ZNF385D: variants seen among roughly 807,000 people sequenced by gnomAD.
ZNF385D encodes zinc finger protein 659.
A neutral mutation model predicts 35.8 loss-of-function variants in ZNF385D; 15 were observed. The ratio of observed to expected loss-of-function variants is 0.42; its 90% CI spans 0.28 to 0.64. The LOEUF (loss-of-function observed/expected upper bound fraction) is 0.64, where lower values mean the gene tolerates loss of function less well. ZNF385D is among the 30% of genes least tolerant of loss of function. The probability of loss-of-function intolerance (pLI) is 0.23; values close to 1 mark genes in which losing one functional copy is unlikely to be tolerated. For missense variants in ZNF385D, 474 were observed against 494.6 expected (o/e 0.96, Z 0.39); for synonymous variants, 212 against 186.8 (o/e 1.13, Z -1.10).
chr3:21,792,498 G>T (rs1484733790), intron 3 of ZNF385D, among the ~76,000 whole-genome samples: 2 of 152,170 alleles, frequency 1.3e-5, no homozygotes. Context: ...TATTCCGCTG[G>T]AGACCATCTG....
intron 2 of ZNF385D, among the ~76,000 whole-genome samples, chr3:22,219,030 G>A (rs184425760): frequency 7.0e-4 from 107 of 152,080 alleles, no homozygotes; most frequent in African/African-American, 2.3e-3. Flanking sequence ...CATTTCAATT[G>A]ACCATTCTCA....
chr3:21,605,422 C>T (rs945352814), intron 2 of ZNF385D, among the ~76,000 whole-genome samples: 4 of 152,104 alleles, frequency 2.6e-5, no homozygotes, highest in Non-Finnish European at 5.9e-5. Flanking sequence ...CCGTGCCTAT[C>T]GTTAAATTTT....
intron 3 of ZNF385D, among the ~76,000 whole-genome samples, chr3:22,158,778 A>T (rs1705755249): frequency 8.9e-6 from 1 of 112,416 alleles, no homozygotes; most frequent in South Asian, 2.8e-4. Flanking sequence ...GTGTAGATCT[A>T]TAGAAACTAG....
rs147086188 is a variant in ZNF385D, at chr3:21,682,986, A to T, written c.23-17958T>A. ...CACTGGCCCTCAAACTTTAGTGAGC[A>T]TCAGAAATGCCTAGAGGGCTTATTA... On this transcript the variant is annotated intron_variant, in intron 1 of 7. Transcript: ENST00000281523. Among the ~76,000 whole-genome samples, 617 of 150,046 alleles carry T rather than the reference A, an allele frequency of 4.1e-3. 30 individuals carry two copies. Among genetic ancestry groups the T allele is most frequent in the Admixed American group, 6.0e-3 (90 of 15,042 alleles).
rs550962176 is a variant in ZNF385D at position 22,171,769 on chromosome 3, C to T, written c.107-2734G>A. Among the ~76,000 whole-genome samples the T allele has an allele frequency of 3.8e-4, 56 of 147,976 alleles. No individual in the cohort carries two copies. In the South Asian group the frequency reaches 4.5e-3, roughly 12 times the overall value. On this transcript the variant is annotated intron_variant, in intron 2 of 5. Transcript: ENST00000494108. ...CCAGGCGCCTGTAGTTCCAGCTACT[C>T]GGGAGGCTGAGGCAGGAGAATGGAG...
chr3:22,135,717 C>A (rs77946126), intron 3 of ZNF385D, among the ~76,000 whole-genome samples: 1 of 151,974 alleles, frequency 6.6e-6, no homozygotes, highest in African/African-American at 2.4e-5. Context: ...ACCAAATTAC[C>A]CACTGTTAAG....
At chr3:22,318,439 A>T (rs1704021357) in intron 2 of ZNF385D, among the ~76,000 whole-genome samples, 1 of 152,182 alleles carries the variant, frequency 6.6e-6, no homozygotes, top group Non-Finnish European at 1.5e-5. Context: ...GAAGAAAGTG[A>T]CGTCAGAAGC....
intron 3 of ZNF385D, among the ~76,000 whole-genome samples, chr3:21,946,870 T>C (rs1701815656): frequency 6.6e-6 from 1 of 152,158 alleles, no homozygotes; most frequent in Non-Finnish European, 1.5e-5. Flanking sequence ...AATTACTTTC[T>C]CATTTTGAAG....
chr3:21,546,752 A>C (rs1245333164), intron 3 of ZNF385D, among the ~76,000 whole-genome samples: 2 of 152,076 alleles, frequency 1.3e-5, no homozygotes, highest in African/African-American at 2.4e-5. Flanking sequence ...TATCCATGGC[A>C]TAAATGAGGT....
At chr3:21,923,039 AT>A (rs35608841) in intron 3 of ZNF385D, among the ~76,000 whole-genome samples, 2 of 151,810 alleles carry the variant, frequency 1.3e-5, no homozygotes, top group African/African-American at 4.8e-5. Flanking sequence ...AATGCTTCAC[AT>A]TTTTTTATTA....
At chr3:21,732,565 T>G (rs1363529278) in intron 1 of ZNF385D, among the ~76,000 whole-genome samples, 1 of 152,240 alleles carries the variant, frequency 6.6e-6, no homozygotes, top group Admixed American at 6.5e-5. Flanking sequence ...GTTGTCAGTG[T>G]TCTGGATTTT....
intron 3 of ZNF385D, among the ~76,000 whole-genome samples, chr3:21,767,107 C>T (rs2070863447): frequency 7.2e-6 from 1 of 139,572 alleles, no homozygotes; most frequent in Admixed American, 8.1e-5. Context: ...CTAGCTATTT[C>T]TGTCTCAGCC....
At chr3:21,454,709 A>G (rs1277710961) in intron 4 of ZNF385D, among the ~76,000 whole-genome samples, 2 of 152,168 alleles carry the variant, frequency 1.3e-5, no homozygotes, top group Non-Finnish European at 2.9e-5. Flanking sequence ...CACCACTCCT[A>G]TTCAACATAG....
chr3:22,107,098 C>T (rs1193935374), intron 3 of ZNF385D, among the ~76,000 whole-genome samples: 2 of 141,148 alleles, frequency 1.4e-5, no homozygotes, highest in African/African-American at 2.6e-5. Context: ...GATCTTGGTT[C>T]ACCACAACCT....
At chr3:21,462,662 A>G (rs889872921) in intron 4 of ZNF385D, among the ~76,000 whole-genome samples, 2 of 152,226 alleles carry the variant, frequency 1.3e-5, no homozygotes, top group African/African-American at 4.8e-5. Flanking sequence ...AGTAAAATAC[A>G]TTACACAAGT....
intron 3 of ZNF385D, among the ~76,000 whole-genome samples, chr3:21,529,513 C>A (rs141464078): frequency 6.6e-6 from 1 of 152,176 alleles, no homozygotes; most frequent in African/African-American, 2.4e-5. Flanking sequence ...TCACTTCTGC[C>A]TTTACTTTCA....
At chr3:22,141,616 T>A (rs1222350761) in intron 3 of ZNF385D, among the ~76,000 whole-genome samples, 2 of 152,160 alleles carry the variant, frequency 1.3e-5, no homozygotes, top group Non-Finnish European at 2.9e-5. Context: ...GGCCTGCTGT[T>A]CACCTTGTGG....
At chr3:21,750,602 C>T (rs1403003904) in intron 1 of ZNF385D, among the ~76,000 whole-genome samples, 10 of 152,148 alleles carry the variant, frequency 6.6e-5, no homozygotes, top group Admixed American at 2.0e-4. Context: ...CTTCACCTAG[C>T]TAAAAGAGCC....
intron 2 of ZNF385D, among the ~76,000 whole-genome samples, chr3:22,263,469 C>G (rs968246944): frequency 6.6e-6 from 1 of 151,928 alleles, no homozygotes; most frequent in Non-Finnish European, 1.5e-5. Context: ...TGAAATAGTG[C>G]TCTGCTTCCT....
Sources: allele counts gnomAD v4.1 joint callset (sites outside exome capture counted in the v4.1 genomes callset), GRCh38; gene constraint gnomAD v4.1.1; transcripts MANE v1.5; gene names NCBI Gene and HGNC (gene_info 2026-07-23, HGNC 2026-07-21).